The following C1QTNF7 variants were observed in gnomAD, a reference collection of about 807,000 sequenced individuals.
C1QTNF7 encodes complement C1q tumor necrosis factor-related protein 7.
A neutral mutation model predicts 19.6 loss-of-function variants in C1QTNF7; 15 were observed. That is an observed-to-expected ratio of 0.76 (90% confidence interval 0.51 to 1.18). The LOEUF (loss-of-function observed/expected upper bound fraction) is 1.18, where lower values mean the gene tolerates loss of function less well. Among genes scored for constraint, C1QTNF7 ranks in the 50% most tolerant of loss-of-function variants. The pLI, the probability that C1QTNF7 is intolerant of heterozygous loss-of-function variation, is 0.00. For missense variants in C1QTNF7, 324 were observed against 359.7 expected, an observed-to-expected ratio of 0.90 and a Z score of 0.80; for synonymous variants, 142 against 137.5, an observed-to-expected ratio of 1.03 and a Z score of -0.23.
intron 1 of C1QTNF7, among the ~76,000 whole-genome samples, chr4:15,344,560 A>T (rs1345765657): frequency 6.6e-6 from 1 of 152,200 alleles, no homozygotes; most frequent in Non-Finnish European, 1.5e-5. Flanking sequence ...GAAGGGTAGG[A>T]GGGGCTAGTT....
intron 1 of C1QTNF7, among the ~76,000 whole-genome samples, chr4:15,430,633 T>C (rs909820902): frequency 6.6e-6 from 1 of 152,224 alleles, no homozygotes; most frequent in African/African-American, 2.4e-5. Context: ...AATTATATCC[T>C]TATAAAGCTG....
intron 1 of C1QTNF7, among the ~76,000 whole-genome samples, chr4:15,413,156 T>C (rs1445504473): frequency 6.6e-6 from 1 of 152,250 alleles, no homozygotes; most frequent in Admixed American, 6.5e-5. Context: ...GCATCGAGGA[T>C]TGATAGTTAC....
intron 1 of C1QTNF7, among the ~76,000 whole-genome samples, chr4:15,361,902 G>A (rs1341749804): frequency 2.0e-5 from 3 of 152,090 alleles, no homozygotes; most frequent in African/African-American, 4.8e-5. Context: ...TAACTCTTCT[G>A]AGTTTCTTAA....
At position 15,349,962 on chromosome 4, in the gene C1QTNF7, C is replaced by T. The variant is rs901932874; in HGVS notation, c.13+9755C>T. On this transcript the variant is annotated intron_variant, in intron 1 of 2. Transcript: ENST00000295297. ...AGTTAATCAGAAAGCTCACTGAATA[C>T]TGACAGAATCAAGCTACAGCTGGAT... 2.7e-5 allele frequency among the ~76,000 whole-genome samples: 4 copies of T among 149,474 alleles called. No homozygotes were observed. The Admixed American group carries it at 2.7e-4, about 10-fold the overall frequency.
chr4:15,397,778 A>T (rs529606413), intron 1 of C1QTNF7, among the ~76,000 whole-genome samples: 53 of 152,336 alleles, frequency 3.5e-4, no homozygotes, highest in Non-Finnish European at 6.8e-4. Context: ...GTAGATCCTA[A>T]ATTAGTCATA....
intron 1 of C1QTNF7, among the ~76,000 whole-genome samples, chr4:15,416,258 A>T (rs962108367): frequency 6.6e-6 from 1 of 152,222 alleles, no homozygotes; most frequent in Non-Finnish European, 1.5e-5. Flanking sequence ...GCTATTATTC[A>T]TTAATTTATT....
At chr4:15,343,352 TCTC>T (rs1269955916) in intron 1 of C1QTNF7, among the ~76,000 whole-genome samples, 1 of 152,124 alleles carries the variant, frequency 6.6e-6, no homozygotes, top group African/African-American at 2.4e-5. Context: ...AATGTACTAA[TCTC>T]CACCAGTCAC....
At chr4:15,400,107 T>C (rs1202207706) in intron 1 of C1QTNF7, among the ~76,000 whole-genome samples, 2 of 152,222 alleles carry the variant, frequency 1.3e-5, no homozygotes, top group Non-Finnish European at 2.9e-5. Flanking sequence ...GAAATGACAC[T>C]GCAACTAAGA....
chr4:15,349,840 A>G (rs76734945), intron 1 of C1QTNF7, among the ~76,000 whole-genome samples: 3,080 of 152,256 alleles, frequency 0.02, 103 homozygotes, highest in African/African-American at 0.069. Context: ...CTATTTAGAA[A>G]GATGTTTTGT....
At chr4:15,378,372 G>A (rs552004157) in intron 1 of C1QTNF7, among the ~76,000 whole-genome samples, 1 of 152,250 alleles carries the variant, frequency 6.6e-6, no homozygotes, top group South Asian at 2.1e-4. Context: ...CTCTGCTTTG[G>A]AATTTTCTTT....
intron 1 of C1QTNF7, among the ~76,000 whole-genome samples, chr4:15,343,994 G>C (rs1716633604): frequency 6.6e-6 from 1 of 152,194 alleles, no homozygotes; most frequent in Admixed American, 6.5e-5. Flanking sequence ...CCTTACCCAG[G>C]GAAGACTCCT....
chr4:15,392,051 T>C (rs765030272), intron 1 of C1QTNF7, among the ~76,000 whole-genome samples: 18 of 152,224 alleles, frequency 1.2e-4, no homozygotes, highest in Non-Finnish European at 2.5e-4. Context: ...GCTGAAAGTT[T>C]AACTTAAGCT....
At chr4:15,420,824 G>GTTTTTTTT (rs1487430797) in intron 1 of C1QTNF7, among the ~76,000 whole-genome samples, 1 of 51,286 alleles carries the variant, frequency 1.9e-5, no homozygotes, top group African/African-American at 5.7e-5. Flanking sequence ...CCACTGCTTT[G>GTTTTTTTT]TCTTTTTTTT....
intron 1 of C1QTNF7, among the ~76,000 whole-genome samples, chr4:15,371,857 C>T (rs1431486350): frequency 6.6e-6 from 1 of 152,120 alleles, no homozygotes; most frequent in Non-Finnish European, 1.5e-5. Context: ...TGGAGGGAAT[C>T]CCCATGGCTT....
chr4:15,427,898 A>G (rs922141309), upstream of C1QTNF7: 9 of 326,314 alleles, frequency 2.8e-5, no homozygotes, highest in Middle Eastern at 1.5e-3. Flanking sequence ...CCCCGAGTTG[A>G]GCCTCACTCG....
At chr4:15,431,881 T>C (rs1712327320) in intron 1 of C1QTNF7, among the ~76,000 whole-genome samples, 1 of 152,086 alleles carries the variant, frequency 6.6e-6, no homozygotes, top group Non-Finnish European at 1.5e-5. Context: ...AAGTGAAAAG[T>C]ACAATAAAGA....
rs1043872786 is a variant in C1QTNF7, at chr4:15,341,201, C to G, written c.13+994C>G. On this transcript the variant is annotated intron_variant, in intron 1 of 2. Transcript: ENST00000295297. The stretch of plus-strand genomic sequence containing the variant: ...ATAAAACCCTGTGGATTTGACAGAG[C>G]TTGAGTGGTTTGCGACATTTAGGTG... Among the ~76,000 whole-genome samples the G allele has an allele frequency of 3.3e-5, 5 of 152,312 alleles. No individual in the cohort carries two copies. In the South Asian group the frequency reaches 6.2e-4, roughly 19 times the overall value.
At chr4:15,398,424 G>A (rs1239876939) in intron 1 of C1QTNF7, among the ~76,000 whole-genome samples, 6 of 146,086 alleles carry the variant, frequency 4.1e-5, no homozygotes, top group African/African-American at 1.5e-4. Context: ...TAAGCATCTT[G>A]ACTGGATTCC....
chr4:15,351,461 G>T (rs1479602877), intron 1 of C1QTNF7, among the ~76,000 whole-genome samples: 1 of 152,112 alleles, frequency 6.6e-6, no homozygotes, highest in African/African-American at 2.4e-5. Context: ...TCCTGAAAAA[G>T]ATTCAAAAGA....
Sources: allele counts gnomAD v4.1 joint callset (sites outside exome capture counted in the v4.1 genomes callset), GRCh38; gene constraint gnomAD v4.1.1; transcripts MANE v1.5; gene names NCBI Gene and HGNC (gene_info 2026-07-23, HGNC 2026-07-21).